ACOX3: variants seen among roughly 807,000 people sequenced by gnomAD.
ACOX3 encodes acyl-CoA oxidase 3, pristanoyl.
In ACOX3, 73 loss-of-function variants were observed where a neutral mutation model predicts 81.5. That is an observed-to-expected ratio of 0.90 (90% CI 0.74 to 1.09). The LOEUF is 1.09. ACOX3 is among the 50% of genes least tolerant of loss of function. The pLI is 0.00. For synonymous variants in ACOX3, 387 were observed against 375.1 expected, an observed-to-expected ratio of 1.03 and a Z score of -0.37; for missense variants, 947 against 928.0, an observed-to-expected ratio of 1.02 and a Z score of -0.27.
At position 8,433,381 on chromosome 4, in the gene ACOX3, T is replaced by G. The variant is rs139381852; in HGVS notation, c.-15+7267A>C. ...GTAACCACGGAGGCAGAGATTGAAG[T>G]GCTGGAGGCACAGGTCAAGGAATGC... On this transcript the variant is annotated intron_variant, in intron 1 of 17. Transcript: ENST00000356406. Among the ~76,000 whole-genome samples the G allele has an allele frequency of 3.2e-4, 49 of 152,356 alleles. No homozygotes were observed. The East Asian group carries it at 9.3e-3, about 29-fold the overall frequency.
At position 8,406,393 on chromosome 4, in the gene ACOX3, C is replaced by A. The variant is rs543418531; in HGVS notation, c.688-350G>T. On this transcript the variant is annotated intron_variant, in intron 6 of 17. Transcript: ENST00000356406. The surrounding 1 kb of genome is among the most constrained non-coding windows in gnomAD (Gnocchi z 5.6). ...GTGGAGACGGAGGCACAGAGTACAG[C>A]GCTGGGGCTGTAGGGATCAGCCCCA... 2.8e-3 allele frequency among the ~76,000 whole-genome samples: 428 copies of A among 152,196 alleles called. 1 individual carries two copies. Among genetic ancestry groups the A allele is most frequent in the Admixed American group, 5.2e-3 (79 of 15,292 alleles).
intron 14 of ACOX3, 135 bp from the exon 15 acceptor site, chr4:8,375,287 G>T: frequency 1.2e-6 from 1 of 864,766 alleles, no homozygotes; most frequent in Non-Finnish European, 1.7e-6. Flanking sequence ...CATAAGGTGA[G>T]GCAGAGCACA....
chr4:8,378,554 G>A (rs1166578550), intron 14 of ACOX3, among the ~76,000 whole-genome samples: 2 of 151,752 alleles, frequency 1.3e-5, no homozygotes, highest in Non-Finnish European at 2.9e-5. Context: ...CTGCAGGGAC[G>A]CCACCGCCCA....
chr4:8,405,818 G>A lies in ACOX3; in HGVS notation c.776+137C>T, dbSNP rs1720876307. The A allele has an allele frequency of 1.1e-6, 1 of 875,438 alleles. No homozygotes were observed. The highest frequency in any genetic ancestry group is 2.4e-5 in the East Asian group (1 of 41,364). 54.2% of individuals were successfully genotyped at this position (875,438 alleles called of 1,614,324 possible). On this transcript the variant is annotated intron_variant, in intron 7 of 17. Transcript: ENST00000356406. The surrounding 1 kb of genome is among the most constrained non-coding windows in gnomAD (Gnocchi z 7.1). ...GTGGCCAGTGCATGCACGGGGGCTA[G>A]GCGTAGGTCCCCACCGCATTTGAGT...
chr4:8,398,226 C>G (rs1335109778), intron 8 of ACOX3, among the ~76,000 whole-genome samples: 1 of 152,024 alleles, frequency 6.6e-6, no homozygotes, highest in Admixed American at 6.6e-5. Context: ...AAATATGATT[C>G]CACTGTCTTC....
Position 8,416,615 on chromosome 4 carries a change from C to T in ACOX3, c.-14-80G>A. 7.1e-7 allele frequency: 1 copy of T among 1,413,602 alleles called. No individual in the cohort carries two copies. Among genetic ancestry groups the T allele is most frequent in the Non-Finnish European group, 9.4e-7 (1 of 1,066,152 alleles). 87.6% of individuals were successfully genotyped at this position (1,413,602 alleles called of 1,614,324 possible). On this transcript the variant is annotated intron_variant, in intron 1 of 17. Coordinates refer to ENST00000356406, the MANE Select transcript of ACOX3 (RefSeq NM_003501.3). The surrounding 1 kb of genome is among the most constrained non-coding windows in gnomAD (Gnocchi z 4.2). ...CCCCCACCAACAGGAGAGCCCGCAA[C>T]ACCTTACAAATCAGAGAAAAGTAAA...
intron 1 of ACOX3, among the ~76,000 whole-genome samples, chr4:8,424,263 T>C (rs190445095): frequency 6.6e-6 from 1 of 152,224 alleles, no homozygotes; most frequent in Non-Finnish European, 1.5e-5. Flanking sequence ...AGAAAGTGAA[T>C]ACCCATTTAG....
intron 5 of ACOX3, among the ~76,000 whole-genome samples, chr4:8,411,329 G>A (rs1021965958): frequency 2.6e-5 from 4 of 152,206 alleles, no homozygotes; most frequent in Non-Finnish European, 4.4e-5. Context: ...AAAATAACGT[G>A]CCGGGGAGGG....
In ACOX3 at chr4:8,381,742, G is replaced by T. The variant is rs969990642; in HGVS notation, c.1538-135C>A. On this transcript the variant is annotated intron_variant, in intron 13 of 17. Transcript: ENST00000356406. This position sits in a 1 kb window ranked among gnomAD's most constrained non-coding sequence, Gnocchi z 4.3. ...TCTTCATTGACAACCAAGTGTATGG[G>T]GTGGGTCTGATTTTATAGGTAGGGA... 23 of 664,356 alleles carry T rather than the reference G, an allele frequency of 3.5e-5. No homozygotes were observed. The highest frequency in any genetic ancestry group is 2.5e-4 in the African/African-American group (14 of 55,118). 41.2% of individuals were successfully genotyped at this position (664,356 alleles called of 1,614,324 possible).
At position 8,407,872 on chromosome 4, in the gene ACOX3, T is replaced by A. The variant is rs1307734748; in HGVS notation, c.688-1829A>T. Among the ~76,000 whole-genome samples, 1 of 152,158 alleles carries A rather than the reference T, an allele frequency of 6.6e-6. No homozygotes were observed. The highest frequency in any genetic ancestry group is 2.4e-5 in the African/African-American group (1 of 41,430). The stretch of plus-strand genomic sequence containing the variant: ...ACCATGAGACGTGCCACCTTCCCCT[T>A]CCCCACCAGGGGACACGGGTGGTGT... On this transcript the variant is annotated intron_variant, in intron 6 of 17. Coordinates refer to ENST00000356406, the MANE Select transcript of ACOX3 (RefSeq NM_003501.3). The surrounding 1 kb of genome is among the most constrained non-coding windows in gnomAD (Gnocchi z 4.6).
chr4:8,361,633 G>C (rs77277763), downstream of ACOX3, among the ~76,000 whole-genome samples: 3 of 151,834 alleles, frequency 2.0e-5, no homozygotes, highest in Non-Finnish European at 4.4e-5. Flanking sequence ...TTTTTTCTTC[G>C]AGCAAAAACC....
At position 8,409,164 on chromosome 4, in the gene ACOX3, C is replaced by T. The variant is rs1247987441; in HGVS notation, c.687+1048G>A. Among the ~76,000 whole-genome samples the T allele has an allele frequency of 2.6e-5, 4 of 152,226 alleles. No individual in the cohort carries two copies. In the East Asian group the frequency reaches 7.7e-4, roughly 29 times the overall value. ...CGTCAGGTCAACTGAAAAATAAGAACATGAGCAACAAAAGAAAAAAACGTA... is the reference window on the plus strand; with the variant it reads ...CGTCAGGTCAACTGAAAAATAAGAATATGAGCAACAAAAGAAAAAAACGTA... On this transcript the variant is annotated intron_variant, in intron 6 of 17. Transcript: ENST00000356406.
At chr4:8,422,565 C>A (rs1346701024) in intron 1 of ACOX3, among the ~76,000 whole-genome samples, 1 of 152,160 alleles carries the variant, frequency 6.6e-6, no homozygotes, top group Non-Finnish European at 1.5e-5. Context: ...CACTTCTTGC[C>A]CCCATTTGCC....
intron 8 of ACOX3, among the ~76,000 whole-genome samples, chr4:8,398,904 G>T (rs1023076767): frequency 3.9e-5 from 6 of 152,126 alleles, no homozygotes; most frequent in African/African-American, 1.4e-4. Flanking sequence ...ATTGATGTTG[G>T]ATTAACATCT....
intron 7 of ACOX3, among the ~76,000 whole-genome samples, chr4:8,404,681 C>T (rs1720739566): frequency 6.6e-6 from 1 of 152,130 alleles, no homozygotes; most frequent in African/African-American, 2.4e-5. Flanking sequence ...TGCCCACTGG[C>T]CCATCTTCTC....
chr4:8,372,434 C>A (rs992021278), intron 16 of ACOX3, among the ~76,000 whole-genome samples: 8 of 152,146 alleles, frequency 5.3e-5, no homozygotes, highest in Non-Finnish European at 1.5e-5. Context: ...GCTATGCCCC[C>A]CTCTCTGGCG....
rs921937027 is a variant in ACOX3 at position 8,437,387 on chromosome 4, G to C, written c.-15+3261C>G. On this transcript the variant is annotated intron_variant, in intron 1 of 17. Transcript: ENST00000356406. The surrounding 1 kb of genome is among the most constrained non-coding windows in gnomAD (Gnocchi z 5.2). ...AGAGGAGGCTAGAGACCGGTGCCAA[G>C]AGAAGAGCAAAACAAAAAGAAAGAC... Among the ~76,000 whole-genome samples the C allele has an allele frequency of 6.6e-6, 1 of 152,058 alleles. No homozygotes were observed. The highest frequency in any genetic ancestry group is 1.5e-5 in the Non-Finnish European group (1 of 68,032).
chr4:8,396,625 C>A lies in ACOX3; in HGVS notation c.1056+312G>T, dbSNP rs1368452650. Among the ~76,000 whole-genome samples the A allele has an allele frequency of 2.7e-5, 4 of 145,946 alleles. No homozygotes were observed. In the South Asian group the frequency reaches 6.6e-4, roughly 24 times the overall value. On this transcript the variant is annotated intron_variant, in intron 9 of 17. Transcript: ENST00000356406. The stretch of plus-strand genomic sequence containing the variant: ...CTGGGAGGCGGAGGTTGCAGTGAGC[C>A]AAGATCATGCCCACTGCACTCCAGC...
rs1431617131 is a variant in ACOX3, at chr4:8,386,911, C to G, written c.1537+2262G>C. Among the ~76,000 whole-genome samples, 1 of 152,240 alleles carries G rather than the reference C, an allele frequency of 6.6e-6. No homozygotes were observed. The highest frequency in any genetic ancestry group is 1.5e-5 in the Non-Finnish European group (1 of 68,048). On this transcript the variant is annotated intron_variant, in intron 13 of 17. Coordinates refer to ENST00000356406, the MANE Select transcript of ACOX3 (RefSeq NM_003501.3). This position sits in a 1 kb window ranked among gnomAD's most constrained non-coding sequence, Gnocchi z 5.2. ...GACACACGCTCGGGGGCTGCTATCA[C>G]ATCCACGGCGTCGGTCCTGATGGCT...
Sources: allele counts gnomAD v4.1 joint callset (sites outside exome capture counted in the v4.1 genomes callset), GRCh38; gene constraint gnomAD v4.1.1; non-coding constraint Gnocchi (gnomAD v3.1); transcripts MANE v1.5; gene names NCBI Gene and HGNC (gene_info 2026-07-23, HGNC 2026-07-21).